HS3ST5: variants seen among roughly 807,000 people sequenced by gnomAD.
HS3ST5 encodes heparan sulfate glucosamine 3-O-sulfotransferase 5.
A neutral mutation model predicts 25.4 loss-of-function variants in HS3ST5; 10 were observed. The observed-to-expected ratio is 0.39, with a 90% CI of 0.24 to 0.67. The LOEUF is 0.67. Among genes scored for constraint, HS3ST5 ranks in the 30% least tolerant of loss-of-function variants. The pLI, the probability that HS3ST5 is intolerant of heterozygous loss-of-function variation, is 0.44. For synonymous variants in HS3ST5, 170 were observed against 162.4 expected (o/e 1.05, Z -0.36); for missense variants, 324 against 420.7 (o/e 0.77, Z 2.01).
At chr6:114,190,865 G>T (rs183478902) in intron 2 of HS3ST5, among the ~76,000 whole-genome samples, 193 of 152,280 alleles carry the variant, frequency 1.3e-3, no homozygotes, top group African/African-American at 4.3e-3. Flanking sequence ...CAGAATACCA[G>T]ACTCCAACAA....
intron 1 of HS3ST5, among the ~76,000 whole-genome samples, chr6:114,319,906 G>C (rs941696245): frequency 6.6e-6 from 1 of 151,990 alleles, no homozygotes; most frequent in Non-Finnish European, 1.5e-5. Context: ...ATTGGGCGTA[G>C]AGCCTCATTG....
At chr6:114,196,690 A>G (rs989909790) in intron 2 of HS3ST5, among the ~76,000 whole-genome samples, 5 of 152,008 alleles carry the variant, frequency 3.3e-5, no homozygotes, top group Admixed American at 2.6e-4. Context: ...CCATAGAAGT[A>G]GAGTCTTAGC....
At chr6:114,277,263 A>C (rs1212562338) in intron 1 of HS3ST5, among the ~76,000 whole-genome samples, 1 of 151,452 alleles carries the variant, frequency 6.6e-6, no homozygotes, top group Non-Finnish European at 1.5e-5. Flanking sequence ...TCTGTAACCC[A>C]AGAGTGGCTC....
intron 1 of HS3ST5, among the ~76,000 whole-genome samples, chr6:114,253,746 T>C (rs139113864): frequency 1.9e-3 from 282 of 152,352 alleles, no homozygotes; most frequent in Middle Eastern, 0.01. Flanking sequence ...GCTTGGCTTC[T>C]GTATATTGAA....
intron 3 of HS3ST5, among the ~76,000 whole-genome samples, chr6:114,087,939 C>T (rs539136562): frequency 6.6e-6 from 1 of 152,140 alleles, no homozygotes; most frequent in Non-Finnish European, 1.5e-5. Flanking sequence ...ACTGCATGGT[C>T]TAATATGGTA....
At chr6:114,170,909 A>G (rs868035928) in intron 2 of HS3ST5, among the ~76,000 whole-genome samples, 12 of 152,312 alleles carry the variant, frequency 7.9e-5, no homozygotes, top group Middle Eastern at 3.4e-3. Context: ...AATTTATAAA[A>G]TAGTTCAAAA....
At chr6:114,313,025 GAAAAAA>G (rs5879258) in intron 1 of HS3ST5, among the ~76,000 whole-genome samples, 3 of 16,126 alleles carry the variant, frequency 1.9e-4, no homozygotes, top group South Asian at 3.8e-3. Flanking sequence ...CCCTGCATCA[GAAAAAA>G]AAAAAAAAAA....
chr6:114,217,662 A>G (rs1260448728), intron 2 of HS3ST5, among the ~76,000 whole-genome samples: 1 of 152,136 alleles, frequency 6.6e-6, no homozygotes, highest in Non-Finnish European at 1.5e-5. Flanking sequence ...TAGTCCTAAG[A>G]TGTTGGCAAT....
chr6:114,232,705 G>A (rs1344540187), intron 1 of HS3ST5, among the ~76,000 whole-genome samples: 1 of 152,136 alleles, frequency 6.6e-6, no homozygotes, highest in African/African-American at 2.4e-5. Context: ...GAGCAGATTT[G>A]TTCCTTCTTT....
chr6:114,217,278 A>T (rs1223169380), intron 2 of HS3ST5, among the ~76,000 whole-genome samples: 1 of 152,236 alleles, frequency 6.6e-6, no homozygotes, highest in Admixed American at 6.5e-5. Context: ...ATGATGACAA[A>T]GTCATTAGGT....
At chr6:114,152,812 TC>T (rs1644468164) in intron 3 of HS3ST5, among the ~76,000 whole-genome samples, 1 of 152,214 alleles carries the variant, frequency 6.6e-6, no homozygotes, top group Admixed American at 6.5e-5. Context: ...ATGTAAAAGT[TC>T]AGCACCCATG....
intron 3 of HS3ST5, among the ~76,000 whole-genome samples, chr6:114,099,744 A>G (rs1347656823): frequency 7.2e-5 from 11 of 152,116 alleles, no homozygotes; most frequent in Non-Finnish European, 1.0e-4. Flanking sequence ...CCTCTTCCAC[A>G]CTAATTTTCC....
intron 1 of HS3ST5, among the ~76,000 whole-genome samples, chr6:114,246,961 T>G (rs185801284): frequency 8.3e-4 from 126 of 152,342 alleles, no homozygotes; most frequent in Non-Finnish European, 1.5e-3. Context: ...TGGTTTCATT[T>G]ATTACGGTAA....
intron 2 of HS3ST5, among the ~76,000 whole-genome samples, chr6:114,224,559 T>G (rs907308509): frequency 2.0e-5 from 3 of 151,636 alleles, no homozygotes; most frequent in East Asian, 3.9e-4. Context: ...AGCTCCTTTA[T>G]ATCTTTTTTT....
chr6:114,241,983 C>T (rs1188236485), intron 1 of HS3ST5, among the ~76,000 whole-genome samples: 1 of 152,220 alleles, frequency 6.6e-6, no homozygotes, highest in African/African-American at 2.4e-5. Context: ...CAATTGTTTA[C>T]AGCTTTGGGT....
At chr6:114,161,521 T>TTTTATA (rs1464812966) in intron 3 of HS3ST5, among the ~76,000 whole-genome samples, 11 of 33,540 alleles carry the variant, frequency 3.3e-4, no homozygotes, top group African/African-American at 5.8e-4. Flanking sequence ...TCCTGAAGTT[T>TTTTATA]TATATATATA....
intron 1 of HS3ST5, among the ~76,000 whole-genome samples, chr6:114,275,700 T>C (rs1022106679): frequency 6.6e-6 from 1 of 152,064 alleles, no homozygotes; most frequent in Non-Finnish European, 1.5e-5. Flanking sequence ...CCACAGCACA[T>C]GAATAGGTAT....
At chr6:114,277,817 C>G (rs927187028) in intron 1 of HS3ST5, among the ~76,000 whole-genome samples, 9 of 151,950 alleles carry the variant, frequency 5.9e-5, no homozygotes, top group African/African-American at 2.2e-4. Flanking sequence ...TCTTATATCC[C>G]TTCTTGAGCA....
chr6:114,204,769 G>T (rs933821455), intron 2 of HS3ST5, among the ~76,000 whole-genome samples: 5 of 151,942 alleles, frequency 3.3e-5, no homozygotes. Context: ...TCTTTCCAAA[G>T]AATTTACTTG....
Sources: allele counts gnomAD v4.1 joint callset (sites outside exome capture counted in the v4.1 genomes callset), GRCh38; gene constraint gnomAD v4.1.1; transcripts MANE v1.5; gene names NCBI Gene and HGNC (gene_info 2026-07-23, HGNC 2026-07-21).